The following QTMAN variants were observed in gnomAD, a reference collection of about 807,000 sequenced individuals.
QTMAN encodes the protein queuosine-tRNA mannosyltransferase.
At chr2:144,068,341 A>T in the QTMAN span, among the ~76,000 whole-genome samples, 1 of 152,236 alleles carries the variant, frequency 6.6e-6, no homozygotes, top group African/African-American at 2.4e-5. Context: ...ATGATTATGA[A>T]TCCACAGTTC....
the QTMAN span, among the ~76,000 whole-genome samples, chr2:144,192,249 G>C: frequency 6.6e-6 from 1 of 151,936 alleles, no homozygotes; most frequent in Non-Finnish European, 1.5e-5. Flanking sequence ...TGGGATAACA[G>C]GAACCTAACA....
At chr2:144,255,956 T>C in the QTMAN span, among the ~76,000 whole-genome samples, 1 of 152,242 alleles carries the variant, frequency 6.6e-6, no homozygotes, top group Non-Finnish European at 1.5e-5. Flanking sequence ...CTATCCTCTA[T>C]ATTTCCTATT....
the QTMAN span, among the ~76,000 whole-genome samples, chr2:144,294,744 T>C: frequency 6.6e-6 from 1 of 152,190 alleles, no homozygotes; most frequent in Middle Eastern, 3.2e-3. Flanking sequence ...CTTGTTCAGT[T>C]TTGCCACTGA....
the QTMAN span, among the ~76,000 whole-genome samples, chr2:144,086,169 G>A: frequency 1.3e-5 from 2 of 152,124 alleles, no homozygotes; most frequent in African/African-American, 4.8e-5. Context: ...AGAGCTCCTA[G>A]TTCTCTTTGC....
chr2:144,261,330 C>T, the QTMAN span, among the ~76,000 whole-genome samples: 11 of 151,602 alleles, frequency 7.3e-5, no homozygotes, highest in African/African-American at 1.9e-4. Context: ...TTCTAAATTT[C>T]GGGGAGGGGG....
chr2:144,305,553 T>C, the QTMAN span, among the ~76,000 whole-genome samples: 3 of 152,200 alleles, frequency 2.0e-5, no homozygotes, highest in Non-Finnish European at 4.4e-5. Flanking sequence ...ACTTTTGTTG[T>C]TCTTTTTCAA....
At chr2:144,250,753 A>G in the QTMAN span, among the ~76,000 whole-genome samples, 1 of 110,794 alleles carries the variant, frequency 9.0e-6, no homozygotes, top group African/African-American at 5.0e-5. Flanking sequence ...TTAAGGCCGA[A>G]AAAAAAAAAA....
the QTMAN span, among the ~76,000 whole-genome samples, chr2:144,036,429 T>A: frequency 2.6e-5 from 4 of 152,296 alleles, no homozygotes; most frequent in South Asian, 8.3e-4. Flanking sequence ...TGGAGAGAAC[T>A]AATATTTTTT....
At chr2:144,248,153 C>T in the QTMAN span, among the ~76,000 whole-genome samples, 2 of 152,108 alleles carry the variant, frequency 1.3e-5, no homozygotes, top group Non-Finnish European at 2.9e-5. Flanking sequence ...ACAATCTAAA[C>T]GGTCAGCAAT....
the QTMAN span, among the ~76,000 whole-genome samples, chr2:144,141,408 A>G: frequency 6.6e-6 from 1 of 151,602 alleles, no homozygotes; most frequent in Non-Finnish European, 1.5e-5. Flanking sequence ...CTCTTTATTA[A>G]GATAATATAA....
the QTMAN span, among the ~76,000 whole-genome samples, chr2:144,040,193 A>C: frequency 6.6e-6 from 1 of 152,124 alleles, no homozygotes; most frequent in African/African-American, 2.4e-5. Flanking sequence ...TTTAGTTTTA[A>C]TTTTTATATG....
At chr2:144,133,379 TAATATAATATATATTATATA>T in the QTMAN span, among the ~76,000 whole-genome samples, 1 of 37,948 alleles carries the variant, frequency 2.6e-5, no homozygotes, top group Non-Finnish European at 5.2e-5. Context: ...TATATAATAA[TAATATAATATATATTATATA>T]AATATAATAT....
the QTMAN span, among the ~76,000 whole-genome samples, chr2:144,166,836 T>C: frequency 6.6e-6 from 1 of 152,094 alleles, no homozygotes; most frequent in Non-Finnish European, 1.5e-5. Context: ...CTGAACCAAA[T>C]CCCCTGTTAT....
At chr2:143,951,503 G>A in the QTMAN span, among the ~76,000 whole-genome samples, 2 of 151,462 alleles carry the variant, frequency 1.3e-5, no homozygotes, top group South Asian at 4.2e-4. Flanking sequence ...AACTGGACGC[G>A]AGAAATATTC....
the QTMAN span, among the ~76,000 whole-genome samples, chr2:144,182,860 TA>T: frequency 8.3e-4 from 58 of 70,234 alleles, no homozygotes; most frequent in African/African-American, 3.1e-3. Context: ...ATTTTATATA[TA>T]ATATATATAT....
At chr2:144,238,334 C>T in the QTMAN span, among the ~76,000 whole-genome samples, 1 of 152,186 alleles carries the variant, frequency 6.6e-6, no homozygotes, top group Non-Finnish European at 1.5e-5. Flanking sequence ...GATCCCTAGT[C>T]TCATAGACTC....
At chr2:144,029,179 AGACTATG>A in the QTMAN span, among the ~76,000 whole-genome samples, 2 of 152,144 alleles carry the variant, frequency 1.3e-5, no homozygotes, top group Non-Finnish European at 2.9e-5. Context: ...TATTAGAGGG[AGACTATG>A]TCTCAATAAA....
the QTMAN span, among the ~76,000 whole-genome samples, chr2:144,059,463 T>TTCATAAATATCTG: frequency 6.6e-6 from 1 of 152,158 alleles, no homozygotes; most frequent in Admixed American, 6.5e-5. Context: ...CTGTGTTGGC[T>TTCATAAATATCTG]TCATAAATAT....
At chr2:144,100,509 T>C in the QTMAN span, among the ~76,000 whole-genome samples, 118 of 152,342 alleles carry the variant, frequency 7.7e-4, 1 homozygote, top group Non-Finnish European at 1.4e-3. Flanking sequence ...CAACTAATAA[T>C]TGAATTGAAT....
Sources: allele counts gnomAD v4.1 joint callset (sites outside exome capture counted in the v4.1 genomes callset), GRCh38; gene constraint gnomAD v4.1.1; transcripts MANE v1.5; gene names NCBI Gene and HGNC (gene_info 2026-07-23, HGNC 2026-07-21).